The following RNF130 variants were observed in gnomAD, a reference collection of about 807,000 sequenced individuals.
The protein encoded by RNF130 is E3 ubiquitin-protein ligase RNF130.
Under a neutral mutation model 44.6 loss-of-function variants are expected in RNF130, and 21 were observed. That is an observed-to-expected ratio of 0.47 (90% confidence interval 0.33 to 0.68). RNF130 has a LOEUF of 0.68. RNF130 is among the 30% of genes least tolerant of loss of function. The pLI, the probability that RNF130 is intolerant of heterozygous loss-of-function variation, is 0.02. For missense variants in RNF130, 479 were observed against 560.6 expected (o/e 0.85, Z 1.47); for synonymous variants, 214 against 210.4 (o/e 1.02, Z -0.15).
chr5:180,043,511 C>G (rs1398813438), intron 1 of RNF130, among the ~76,000 whole-genome samples: 1 of 152,092 alleles, frequency 6.6e-6, no homozygotes, highest in East Asian at 1.9e-4. Context: ...TCTTAGTAAC[C>G]ACCACTCACA....
At chr5:179,979,551 G>A (rs1353722621) in intron 4 of RNF130, among the ~76,000 whole-genome samples, 1 of 151,984 alleles carries the variant, frequency 6.6e-6, no homozygotes, top group African/African-American at 2.4e-5. Context: ...TGAATGTAGG[G>A]GCAGCACTAA....
chr5:179,949,387 T>C (rs1405952369), intron 7 of RNF130, among the ~76,000 whole-genome samples: 1 of 151,832 alleles, frequency 6.6e-6, no homozygotes, highest in Non-Finnish European at 1.5e-5. Context: ...GCCTCCTGAG[T>C]AGCTAGGGCT....
downstream of RNF130, among the ~76,000 whole-genome samples, chr5:179,952,370 G>GT (rs1486466926): frequency 6.6e-6 from 1 of 152,126 alleles, no homozygotes; most frequent in Admixed American, 6.5e-5. Context: ...TAATGAGTTG[G>GT]TAATCAAAAA....
intron 1 of RNF130, among the ~76,000 whole-genome samples, chr5:180,069,906 T>C (rs1292444268): frequency 3.3e-5 from 5 of 152,186 alleles, no homozygotes; most frequent in Non-Finnish European, 7.4e-5. Context: ...GGCTTTTGTT[T>C]GGGGTGACAG....
chr5:179,965,529 T>C (rs1762422946), intron 7 of RNF130, among the ~76,000 whole-genome samples: 1 of 152,230 alleles, frequency 6.6e-6, no homozygotes, highest in African/African-American at 2.4e-5. Context: ...TAGTAAGTAG[T>C]AGGTGCTCAA....
chr5:180,043,436 T>C (rs1764475008), intron 1 of RNF130, among the ~76,000 whole-genome samples: 2 of 152,152 alleles, frequency 1.3e-5, no homozygotes, highest in Non-Finnish European at 2.9e-5. Context: ...TTTGGTCCCC[T>C]TGGGAGTTTC....
chr5:180,012,935 A>T, intron 3 of RNF130, 126 bp downstream of exon 3: 1 of 1,099,932 alleles, frequency 9.1e-7, no homozygotes, highest in Non-Finnish European at 1.3e-6. Context: ...CCAACATATT[A>T]AAATGACTGA....
intron 3 of RNF130, among the ~76,000 whole-genome samples, chr5:180,005,137 C>T (rs568871490): frequency 2.0e-5 from 3 of 152,232 alleles, no homozygotes; most frequent in African/African-American, 7.2e-5. Flanking sequence ...GCTAAAAAAC[C>T]GTACTGATGG....
At chr5:179,957,653 A>T (rs1227289819) in intron 8 of RNF130, among the ~76,000 whole-genome samples, 4 of 152,172 alleles carry the variant, frequency 2.6e-5, no homozygotes, top group Non-Finnish European at 5.9e-5. Flanking sequence ...TTCCTATGGC[A>T]TCCCTTCAGA....
At chr5:180,051,805 T>C (rs1207673727) in intron 1 of RNF130, among the ~76,000 whole-genome samples, 1 of 152,206 alleles carries the variant, frequency 6.6e-6, no homozygotes, top group African/African-American at 2.4e-5. Flanking sequence ...TAAGTTTAAA[T>C]GACGGCTAAT....
At chr5:180,063,598 G>A (rs866187697) in intron 1 of RNF130, among the ~76,000 whole-genome samples, 2 of 152,186 alleles carry the variant, frequency 1.3e-5, no homozygotes, top group South Asian at 2.1e-4. Flanking sequence ...ATCAAGATAC[G>A]GGAGGAGGTA....
chr5:179,941,542 G>T (rs1349755215), intron 7 of RNF130, among the ~76,000 whole-genome samples: 5 of 151,978 alleles, frequency 3.3e-5, no homozygotes, highest in African/African-American at 7.3e-5. Flanking sequence ...CAATAAGACT[G>T]CTTGAGCTCT....
At chr5:179,947,818 GTATA>G (rs932905057) in intron 7 of RNF130, among the ~76,000 whole-genome samples, 1 of 151,984 alleles carries the variant, frequency 6.6e-6, no homozygotes, top group African/African-American at 2.4e-5. Context: ...ACTGCATATG[GTATA>G]TATATACCTA....
chr5:180,044,397 G>C (rs1186895359), intron 1 of RNF130, among the ~76,000 whole-genome samples: 1 of 151,836 alleles, frequency 6.6e-6, no homozygotes, highest in Non-Finnish European at 1.5e-5. Context: ...AGTATTAAAA[G>C]TAATGAGACT....
At chr5:179,974,293 C>T (rs1015316349) in intron 5 of RNF130, among the ~76,000 whole-genome samples, 6 of 152,198 alleles carry the variant, frequency 3.9e-5, no homozygotes, top group Admixed American at 3.9e-4. Flanking sequence ...CACGCGGCAA[C>T]TCCACTTCTG....
chr5:180,058,391 A>C (rs1378283270), intron 1 of RNF130, among the ~76,000 whole-genome samples: 2 of 152,244 alleles, frequency 1.3e-5, no homozygotes, highest in Admixed American at 1.3e-4. Flanking sequence ...GTATTTTAAC[A>C]CATGCTACAA....
intron 7 of RNF130, among the ~76,000 whole-genome samples, chr5:179,931,032 C>CAAAAAAA (rs34266288): frequency 5.4e-5 from 4 of 74,290 alleles, no homozygotes; most frequent in African/African-American, 5.4e-5. Context: ...ACCTCTGTCT[C>CAAAAAAA]AAAAAAAAAA....
At chr5:179,953,305 C>CT (rs546197845), downstream of RNF130, among the ~76,000 whole-genome samples, 7,392 of 141,442 alleles carry the variant, frequency 0.052, 388 homozygotes, top group African/African-American at 0.13. Flanking sequence ...AAAATCCTAG[C>CT]TTTTTTTTTT....
intron 6 of RNF130, among the ~76,000 whole-genome samples, chr5:179,969,104 T>C (rs984240389): frequency 2.0e-5 from 3 of 152,244 alleles, no homozygotes; most frequent in African/African-American, 7.2e-5. Context: ...CTAAACTTTT[T>C]GTTCCATAAG....
Sources: gnomAD v4.1 joint callset for allele counts (sites outside exome capture counted in the v4.1 genomes callset) on GRCh38, gnomAD v4.1.1 for gene constraint, MANE v1.5 for transcripts, NCBI Gene and HGNC (gene_info 2026-07-23, HGNC 2026-07-21) for gene names.